The following PADI2 variants were observed in gnomAD, a reference collection of about 807,000 sequenced individuals.
PADI2 encodes protein-arginine deiminase type-2.
Under a neutral mutation model 81.1 loss-of-function variants are expected in PADI2, and 70 were observed. That is an observed-to-expected ratio of 0.86 (90% CI 0.71 to 1.05). The LOEUF (loss-of-function observed/expected upper bound fraction) is 1.05. PADI2 is among the 50% of genes least tolerant of loss of function. The pLI is 0.00. For synonymous variants in PADI2, 338 were observed against 358.0 expected (o/e 0.94, Z 0.63); for missense variants, 853 against 889.9 (o/e 0.96, Z 0.53).
intron 6 of PADI2, among the ~76,000 whole-genome samples, chr1:17,092,034 C>T (rs1324530807): frequency 1.3e-5 from 2 of 152,076 alleles, no homozygotes; most frequent in Non-Finnish European, 2.9e-5. Context: ...CCCACTGCAT[C>T]TTTAGGGGGT....
Position 17,091,768 on chromosome 1 carries a change from G to A in PADI2, c.655+640C>T, listed in dbSNP as rs541030274. 3.3e-5 allele frequency among the ~76,000 whole-genome samples: 5 copies of A among 152,082 alleles called. No homozygotes were observed. The East Asian group carries it at 9.7e-4, about 30-fold the overall frequency. On this transcript the variant is annotated intron_variant, in intron 6 of 15. Coordinates refer to ENST00000375486, the MANE Select transcript of PADI2 (RefSeq NM_007365.3). ...TTATTCTATTTCATTTCCTCCAATT[G>A]TGGTACTGATTATGTCTCTCTTGCT...
chr1:17,089,188 G>C (rs926880486), intron 6 of PADI2, among the ~76,000 whole-genome samples: 1 of 152,168 alleles, frequency 6.6e-6, no homozygotes, highest in Non-Finnish European at 1.5e-5. Context: ...TTGGGAGGGA[G>C]GAGTCCAAGA....
In PADI2 at chr1:17,068,434, A is replaced by C. The variant is rs2101566169; in HGVS notation, c.*610T>G. 1 of 153,342 alleles carries C rather than the reference A, an allele frequency of 6.5e-6. No individual in the cohort carries two copies. Among genetic ancestry groups the C allele is most frequent in the Middle Eastern group, 3.4e-3 (1 of 296 alleles). The allele number at this position is 153,342 out of a possible 1,614,324, so 9.5% of individuals were successfully genotyped here. ...ATGTTTCCAGGAAGGTTCTAAGCTA[A>C]CTTACTGGACCCTCAGGGAGTGGGG... On this transcript the variant is annotated 3_prime_UTR_variant, in exon 16 of 16. Transcript: ENST00000375486.
At chr1:17,085,629 C>G (rs902999656) in intron 7 of PADI2, among the ~76,000 whole-genome samples, 1 of 152,124 alleles carries the variant, frequency 6.6e-6, no homozygotes, top group Admixed American at 6.5e-5. Context: ...GGCAAACTAC[C>G]CTTAACTAAG....
chr1:17,072,253 C>A (rs1308147477), intron 13 of PADI2, among the ~76,000 whole-genome samples: 1 of 152,172 alleles, frequency 6.6e-6, no homozygotes, highest in Non-Finnish European at 1.5e-5. Context: ...TGGGAAGAGA[C>A]TGCTGGTCCA....
intron 3 of PADI2, among the ~76,000 whole-genome samples, chr1:17,098,076 C>T (rs1029576071): frequency 1.3e-4 from 20 of 152,064 alleles, no homozygotes; most frequent in Non-Finnish European, 4.4e-5. Context: ...AACCCAGGCC[C>T]GCAGCAGGGA....
intron 9 of PADI2, 83 bp from the exon 10 acceptor site, chr1:17,082,735 G>A: frequency 2.5e-6 from 2 of 805,326 alleles, no homozygotes; most frequent in African/African-American, 1.7e-5. Flanking sequence ...AAACACAAGA[G>A]CACAAAGGAA....
At chr1:17,073,300 C>T (rs1387779890) in intron 13 of PADI2, among the ~76,000 whole-genome samples, 1 of 151,530 alleles carries the variant, frequency 6.6e-6, no homozygotes, top group Non-Finnish European at 1.5e-5. Context: ...GCCTGTAATC[C>T]CAGCTACTGG....
chr1:17,105,177 G>A (rs1298811092), intron 1 of PADI2, 116 bp from the exon 2 acceptor site: 3 of 669,712 alleles, frequency 4.5e-6, no homozygotes, highest in Non-Finnish European at 7.0e-6. Flanking sequence ...AGAATCACTT[G>A]AGCCCAGGCG....
chr1:17,107,455 C>A (rs1306256422), intron 1 of PADI2, among the ~76,000 whole-genome samples: 1 of 152,154 alleles, frequency 6.6e-6, no homozygotes. Flanking sequence ...GTGTCTGGGG[C>A]GGCGGCACCT....
chr1:17,111,082 CTTT>C (rs779445292), intron 1 of PADI2, among the ~76,000 whole-genome samples: 19 of 93,888 alleles, frequency 2.0e-4, no homozygotes, highest in African/African-American at 7.7e-4. Flanking sequence ...AAAGACAGAC[CTTT>C]TTTTTTTTTT....
intron 1 of PADI2, among the ~76,000 whole-genome samples, chr1:17,117,787 G>T (rs989895482): frequency 6.6e-6 from 1 of 152,228 alleles, no homozygotes; most frequent in African/African-American, 2.4e-5. Flanking sequence ...GACAGCTGAG[G>T]CTTAGAGACC....
intron 1 of PADI2, among the ~76,000 whole-genome samples, chr1:17,110,361 C>G (rs1032826990): frequency 2.6e-5 from 4 of 152,108 alleles, no homozygotes; most frequent in Admixed American, 6.6e-5. Context: ...CTCCTGCCTA[C>G]CATGGAATCC....
chr1:17,119,372 C>T lies in PADI2; in HGVS notation c.-1G>A. Reference sequence around the variant, plus strand: ...GCCGCACGGTCCGCTCGCGCAGCATCCTCCCCGCCGCAGTGCCCGCGCTCG... The same window carrying T: ...GCCGCACGGTCCGCTCGCGCAGCATTCTCCCCGCCGCAGTGCCCGCGCTCG... On this transcript the variant is annotated 5_prime_UTR_variant, in exon 1 of 16. Transcript: ENST00000375486. This position sits in a 1 kb window ranked among gnomAD's most constrained non-coding sequence, Gnocchi z 4.8. 6.5e-7 allele frequency: 1 copy of T among 1,530,116 alleles called. No homozygotes were observed. Among genetic ancestry groups the T allele is most frequent in the Non-Finnish European group, 8.8e-7 (1 of 1,138,780 alleles). The allele number at this position is 1,530,116 out of a possible 1,614,324, so 94.8% of individuals were successfully genotyped here. A position where few individuals can be genotyped will look rare whatever the true frequency, so the allele number is the denominator to read the frequency against.
intron 8 of PADI2, among the ~76,000 whole-genome samples, chr1:17,084,397 G>A (rs2078369928): frequency 6.6e-6 from 1 of 152,228 alleles, no homozygotes; most frequent in Non-Finnish European, 1.5e-5. Flanking sequence ...CTGTGTGCTG[G>A]GCCTTGGATA....
intron 1 of PADI2, among the ~76,000 whole-genome samples, chr1:17,114,122 C>A (rs916798912): frequency 1.3e-5 from 2 of 152,268 alleles, no homozygotes; most frequent in African/African-American, 4.8e-5. Context: ...ATTCCTCCCA[C>A]CGTCATTCTC....
At chr1:17,087,248 T>C (rs1190459561) in intron 6 of PADI2, among the ~76,000 whole-genome samples, 2 of 152,172 alleles carry the variant, frequency 1.3e-5, no homozygotes, top group Non-Finnish European at 2.9e-5. Flanking sequence ...GCATGGGCTG[T>C]TCATTTTTGT....
intron 7 of PADI2, 84 bp downstream of exon 7, chr1:17,086,437 C>T: frequency 8.5e-7 from 1 of 1,170,262 alleles, no homozygotes. Context: ...CAGGGTGGAG[C>T]ATAGCATAGG....
At chr1:17,069,858 G>T (rs1332740059) in intron 15 of PADI2, among the ~76,000 whole-genome samples, 1 of 152,208 alleles carries the variant, frequency 6.6e-6, no homozygotes, top group East Asian at 1.9e-4. Context: ...TTTCCTATCT[G>T]TTAAGGAAAA....
Sources: gnomAD v4.1 joint callset for allele counts (sites outside exome capture counted in the v4.1 genomes callset) on GRCh38, gnomAD v4.1.1 for gene constraint, Gnocchi (gnomAD v3.1) non-coding constraint, MANE v1.5 for transcripts, NCBI Gene and HGNC (gene_info 2026-07-23, HGNC 2026-07-21) for gene names.